The following GRIK5 variants were observed in gnomAD, a reference collection of about 807,000 sequenced individuals.
The protein encoded by GRIK5 is glutamate receptor ionotropic, kainate 5.
In GRIK5, 43 loss-of-function variants were observed where a neutral mutation model predicts 97.4. That is an observed-to-expected ratio of 0.44 (90% CI 0.35 to 0.57). The LOEUF is 0.57. GRIK5 is among the 20% of genes least tolerant of loss of function. GRIK5 has a pLI of 0.01. For missense variants in GRIK5, 1,015 were observed against 1,382.0 expected, an observed-to-expected ratio of 0.73 and a Z score of 4.21; for synonymous variants, 580 against 583.5, an observed-to-expected ratio of 0.99 and a Z score of 0.09.
At chr19:42,012,512 A>G (rs2075576236) in intron 15 of GRIK5, among the ~76,000 whole-genome samples, 1 of 152,066 alleles carries the variant, frequency 6.6e-6, no homozygotes, top group Non-Finnish European at 1.5e-5. Flanking sequence ...CGGCCTCCCA[A>G]AGTGCTAGGA....
chr19:42,062,895 C>T lies in GRIK5; in HGVS notation c.245-40G>A. Reference sequence around the variant, plus strand: ...GAAGAGACCGCAGAGTCAGGGACCCCCTGCCTCCTCTCCTTCCCCATCCCT... The same window carrying T: ...GAAGAGACCGCAGAGTCAGGGACCCTCTGCCTCCTCTCCTTCCCCATCCCT... On this transcript the variant is annotated intron_variant, in intron 3 of 19. Coordinates refer to ENST00000593562, the MANE Select transcript of GRIK5 (RefSeq NM_002088.5). The surrounding 1 kb of genome is among the most constrained non-coding windows in gnomAD (Gnocchi z 5.3). 6.9e-7 allele frequency: 1 copy of T among 1,458,372 alleles called. No individual in the cohort carries two copies. The highest frequency in any genetic ancestry group is 9.6e-7 in the Non-Finnish European group (1 of 1,039,242). The allele number at this position is 1,458,372 out of a possible 1,614,324, so 90.3% of individuals were successfully genotyped here. A position where few individuals can be genotyped will look rare whatever the true frequency, so the allele number is the denominator to read the frequency against.
At position 42,002,571 on chromosome 19, in the gene GRIK5, C is replaced by T. The variant is rs1161142394; in HGVS notation, c.2514+761G>A. The T allele has an allele frequency of 1.1e-5, 7 of 653,470 alleles. No homozygotes were observed. Among genetic ancestry groups the T allele is most frequent in the East Asian group, 8.2e-5 (3 of 36,730 alleles). The allele number at this position is 653,470 out of a possible 1,614,324, so 40.5% of individuals were successfully genotyped here. A position where few individuals can be genotyped will look rare whatever the true frequency, so the allele number is the denominator to read the frequency against. On this transcript the variant is annotated intron_variant, in intron 19 of 19. Transcript: ENST00000593562. This position sits in a 1 kb window ranked among gnomAD's most constrained non-coding sequence, Gnocchi z 5.2. ...TCTGGGGAGTAGATGTAAGGTCAGC[C>T]GCTGGATGTGAGGAGGGGGAGGAAG...
Position 41,998,649 on chromosome 19 carries a change from C to T in GRIK5, c.*222G>A, listed in dbSNP as rs2075400347. ...CCCCTGGAGTCCTCGGTTCCTGCGC[C>T]CTTCTCGCCCGCGGCACCCTCTCGC... On this transcript the variant is annotated 3_prime_UTR_variant, in exon 20 of 20. Transcript: ENST00000593562. The T allele has an allele frequency of 5.3e-6, 1 of 189,408 alleles. No homozygotes were observed. Among genetic ancestry groups the T allele is most frequent in the Non-Finnish European group, 1.1e-5 (1 of 93,832 alleles). The allele number at this position is 189,408 out of a possible 1,614,324, so 11.7% of individuals were successfully genotyped here. A position where few individuals can be genotyped will look rare whatever the true frequency, so the allele number is the denominator to read the frequency against.
intron 11 of GRIK5, among the ~76,000 whole-genome samples, chr19:42,050,259 A>T (rs2076095774): frequency 6.6e-6 from 1 of 152,116 alleles, no homozygotes; most frequent in Non-Finnish European, 1.5e-5. Context: ...CCCTCACTTT[A>T]AAGGAGGAAA....
chr19:42,023,242 C>T (rs1401104669), intron 12 of GRIK5, among the ~76,000 whole-genome samples: 2 of 151,880 alleles, frequency 1.3e-5, no homozygotes, highest in African/African-American at 2.4e-5. Flanking sequence ...GCACCAGCCT[C>T]GATAAAACCG....
At chr19:42,061,079 G>A (rs1041139456) in intron 5 of GRIK5, among the ~76,000 whole-genome samples, 12 of 152,152 alleles carry the variant, frequency 7.9e-5, no homozygotes, top group African/African-American at 2.4e-4. Context: ...ACGGAGTCTC[G>A]CTCTGTCGCC....
Position 42,065,337 on chromosome 19 carries a change from A to C in GRIK5, c.130T>G (p.Leu44Val). 6.2e-7 allele frequency: 1 copy of C among 1,609,834 alleles called. No individual in the cohort carries two copies. The highest frequency in any genetic ancestry group is 8.5e-7 in the Non-Finnish European group (1 of 1,178,292). Residue 44 changes from leucine (L) to valine (V), a missense_variant, in exon 3 of 20, where the codon TTG becomes GTG. By Grantham distance (32) the Leu-to-Val change is conservative. Transcript: ENST00000593562. The surrounding 1 kb of genome is among the most constrained non-coding windows in gnomAD (Gnocchi z 5.8). ...TTGATCTGCTCCCGGGCCAAGGCCA[A>C]GGCCAGACGCTCACCGCGGCCACAC... Reference protein sequence around the residue: ...TVCGRGERLALALAREQINGI... With the variant: ...TVCGRGERLAVALAREQINGI...
At chr19:42,007,401 CTATT>C (rs2075505826) in intron 15 of GRIK5, among the ~76,000 whole-genome samples, 1 of 152,210 alleles carries the variant, frequency 6.6e-6, no homozygotes, top group African/African-American at 2.4e-5. Flanking sequence ...GGCCAGGAAA[CTATT>C]TAAAACATAG....
At position 42,050,306 on chromosome 19, in the gene GRIK5, G is replaced by A. The variant is rs909471164; in HGVS notation, c.1269+3296C>T. ...GAGACCTGCTAGGGGCAAACAGTGT[G>A]TGGATGGCAGTGCCAGGCTCAGGAC... On this transcript the variant is annotated intron_variant, in intron 11 of 19. Transcript: ENST00000593562. 3.9e-5 allele frequency among the ~76,000 whole-genome samples: 6 copies of A among 152,300 alleles called. No homozygotes were observed. In the East Asian group the frequency reaches 9.6e-4, roughly 24 times the overall value.
chr19:42,028,598 C>T (rs1426962175), intron 12 of GRIK5, among the ~76,000 whole-genome samples: 1 of 152,260 alleles, frequency 6.6e-6, no homozygotes, highest in Non-Finnish European at 1.5e-5. Flanking sequence ...CTCCAGAACC[C>T]AGCACCAGCT....
intron 15 of GRIK5, among the ~76,000 whole-genome samples, chr19:42,008,068 G>A (rs1456723759): frequency 1.3e-5 from 2 of 150,934 alleles, no homozygotes; most frequent in Non-Finnish European, 2.9e-5. Flanking sequence ...GTCTCACTCT[G>A]TCACCCAGGC....
chr19:42,055,304 T>C (rs2076168154), intron 8 of GRIK5, among the ~76,000 whole-genome samples: 1 of 152,108 alleles, frequency 6.6e-6, no homozygotes, highest in African/African-American at 2.4e-5. Context: ...TGTGTTGGGG[T>C]GTGTGATGTC....
At chr19:42,028,437 A>G (rs767703711) in intron 12 of GRIK5, among the ~76,000 whole-genome samples, 37 of 152,198 alleles carry the variant, frequency 2.4e-4, no homozygotes, top group Non-Finnish European at 5.0e-4. Context: ...AGGTTGCCAG[A>G]CTGAGGAGGG....
intron 17 of GRIK5, among the ~76,000 whole-genome samples, chr19:42,005,427 G>A (rs1240644940): frequency 1.3e-5 from 2 of 152,064 alleles, no homozygotes; most frequent in Admixed American, 6.5e-5. Flanking sequence ...ACCCCCACAG[G>A]GCCCTTGGGG....
At chr19:42,049,890 T>C (rs932360566) in intron 11 of GRIK5, among the ~76,000 whole-genome samples, 6 of 152,160 alleles carry the variant, frequency 3.9e-5, no homozygotes, top group Admixed American at 3.9e-4. Flanking sequence ...TCAACACTGA[T>C]CTAGTCCAAC....
intron 11 of GRIK5, among the ~76,000 whole-genome samples, chr19:42,044,056 C>T (rs961460072): frequency 6.6e-6 from 1 of 152,198 alleles, no homozygotes. Flanking sequence ...CGGTTTCCCC[C>T]ATGCTCTTCT....
At chr19:42,051,540 A>G (rs1391494328) in intron 11 of GRIK5, among the ~76,000 whole-genome samples, 1 of 152,182 alleles carries the variant, frequency 6.6e-6, no homozygotes, top group Non-Finnish European at 1.5e-5. Flanking sequence ...GCTGCCCCGC[A>G]GCCCCTAGGC....
At chr19:42,033,699 A>G (rs1441216751) in intron 12 of GRIK5, among the ~76,000 whole-genome samples, 1 of 152,204 alleles carries the variant, frequency 6.6e-6, no homozygotes. Flanking sequence ...TCAGTAAAAA[A>G]GAGAAAAAAA....
intron 12 of GRIK5, among the ~76,000 whole-genome samples, chr19:42,033,758 T>TG (rs1388425720): frequency 6.6e-6 from 1 of 152,094 alleles, no homozygotes; most frequent in African/African-American, 2.4e-5. Flanking sequence ...CCAGCACTTT[T>TG]GGGGGGCCAA....
Sources: gnomAD v4.1 joint callset for allele counts (sites outside exome capture counted in the v4.1 genomes callset) on GRCh38, gnomAD v4.1.1 for gene constraint, Gnocchi (gnomAD v3.1) non-coding constraint, MANE v1.5 for transcripts, NCBI Gene and HGNC (gene_info 2026-07-23, HGNC 2026-07-21) for gene names.